Variants in DNAAF1 observed in about 807,000 individuals in gnomAD.
The protein encoded by DNAAF1 is dynein assembly factor 1, axonemal.
DNAAF1 carries 65 observed loss-of-function variants against 71.1 expected under a neutral mutation model. The ratio of observed to expected loss-of-function variants is 0.91; its 90% confidence interval spans 0.75 to 1.12. The LOEUF (loss-of-function observed/expected upper bound fraction) is 1.12. DNAAF1 is among the 50% of genes most tolerant of loss of function. The pLI is 0.00. For synonymous variants in DNAAF1, 414 were observed against 354.6 expected, an observed-to-expected ratio of 1.17 and a Z score of -1.88; for missense variants, 1,178 against 899.8, an observed-to-expected ratio of 1.31 and a Z score of -3.96.
At position 84,170,337 on chromosome 16, in the gene DNAAF1, C is replaced by G; in HGVS notation, c.1509C>G (p.Pro503=). ...CAGCTGAGGCCCCACCACCACCGCC[C>G]CTGGGAGCTGCCAGGGAAGGTAATG... ...TLPAEAPPPP[P]LGAAREEPTP... is the part of the protein sequence containing the mutation. Residue 503 remains proline (P), a synonymous_variant, in exon 8 of 12, where the codon CCC becomes CCG. Coordinates refer to ENST00000378553, the MANE Select transcript of DNAAF1 (RefSeq NM_178452.6). 1 of 1,613,886 alleles carries G rather than the reference C, an allele frequency of 6.2e-7. No individual in the cohort carries two copies. Among genetic ancestry groups the G allele is most frequent in the East Asian group, 2.2e-5 (1 of 44,870 alleles).
At chr16:84,168,202 G>T (rs984431965) in intron 7 of DNAAF1, among the ~76,000 whole-genome samples, 1 of 152,092 alleles carries the variant, frequency 6.6e-6, no homozygotes, top group Non-Finnish European at 1.5e-5. Context: ...TCCCTGGCTC[G>T]TGGCCCCTTC....
chr16:84,166,377 T>A (rs1008252869), intron 7 of DNAAF1, among the ~76,000 whole-genome samples: 1 of 117,920 alleles, frequency 8.5e-6, no homozygotes, highest in Admixed American at 8.0e-5. Flanking sequence ...TTTCTTTTTT[T>A]TTTTTTTTTT....
chr16:84,155,825 C>G, intron 5 of DNAAF1, 76 bp downstream of exon 5: 1 of 1,552,288 alleles, frequency 6.4e-7, no homozygotes, highest in Non-Finnish European at 8.8e-7. Flanking sequence ...ATATCAAGTC[C>G]TTTTGTCTTT....
intron 3 of DNAAF1, among the ~76,000 whole-genome samples, chr16:84,153,821 G>T (rs936724154): frequency 4.6e-5 from 7 of 152,120 alleles, no homozygotes; most frequent in Admixed American, 1.3e-4. Flanking sequence ...GGTCAGGCCT[G>T]GTGGGAACAT....
chr16:84,157,872 C>T (rs760246874), intron 5 of DNAAF1, among the ~76,000 whole-genome samples: 14 of 152,232 alleles, frequency 9.2e-5, no homozygotes, highest in Admixed American at 2.0e-4. Flanking sequence ...TTTGTTTTGG[C>T]TGGGGTTGCC....
At chr16:84,148,716 A>T (rs1296293130) in intron 1 of DNAAF1, among the ~76,000 whole-genome samples, 2 of 149,886 alleles carry the variant, frequency 1.3e-5, no homozygotes, top group South Asian at 4.2e-4. Context: ...AACCTGCCTC[A>T]GCCCCACAAG....
At chr16:84,167,515 A>G (rs1377487100) in intron 7 of DNAAF1, among the ~76,000 whole-genome samples, 2 of 152,106 alleles carry the variant, frequency 1.3e-5, no homozygotes, top group Non-Finnish European at 2.9e-5. Flanking sequence ...GAGCCGCCCC[A>G]TTCGAACAAA....
At chr16:84,166,439 C>G (rs1286132822) in intron 7 of DNAAF1, among the ~76,000 whole-genome samples, 2 of 145,532 alleles carry the variant, frequency 1.4e-5, no homozygotes, top group African/African-American at 5.2e-5. Flanking sequence ...TGCAGTGGCA[C>G]AATCTTGGCT....
Position 84,165,860 on chromosome 16 carries a change from G to C in DNAAF1, c.941G>C (p.Arg314Pro), listed in dbSNP as rs374704486. ...EERQQWESRE[R>P]KKITDSIEAL... ...AGACAGCAGTGGGAGAGCAGGGAGC[G>C]GAAGAAGATCACAGACAGCATTGAA... Residue 314 changes from arginine to proline, a missense_variant, in exon 7 of 12, where the codon CGG becomes CCG. Physicochemically the swap from Arg to Pro is moderately radical, Grantham distance 103. Transcript: ENST00000378553. The C allele has an allele frequency of 6.2e-7, 1 of 1,613,318 alleles. No individual in the cohort carries two copies. Among genetic ancestry groups the C allele is most frequent in the Non-Finnish European group, 8.5e-7 (1 of 1,179,876 alleles).
At chr16:84,150,882 G>T (rs1050049353) in intron 3 of DNAAF1, among the ~76,000 whole-genome samples, 16 of 151,978 alleles carry the variant, frequency 1.1e-4, no homozygotes, top group Non-Finnish European at 1.8e-4. Flanking sequence ...CCAAAGTACT[G>T]GGCTTACAAG....
chr16:84,162,916 C>G (rs1424377562), intron 6 of DNAAF1, among the ~76,000 whole-genome samples: 1 of 152,176 alleles, frequency 6.6e-6, no homozygotes, highest in Admixed American at 6.5e-5. Flanking sequence ...CTTTCCCTCT[C>G]TGTTGATTTG....
At chr16:84,177,100 A>C in intron 11 of DNAAF1, 1 of 177,024 alleles carries the variant, frequency 5.6e-6, no homozygotes, top group South Asian at 1.2e-4. Context: ...TCCTGAAGAC[A>C]GCTGCCTGGC....
chr16:84,159,704 T>C lies in DNAAF1; in HGVS notation c.771T>C (p.Val257=). The change falls in exon 6 of 12, where the codon GTT becomes GTC. Residue 257 remains valine (V), a synonymous_variant. Coordinates refer to ENST00000378553, the MANE Select transcript of DNAAF1 (RefSeq NM_178452.6). Reference sequence around the variant, plus strand: ...TACTGAATTTGATGGGAAACCCGGTTATCAGACAGATTCCTAATTACAGAA... The same window carrying C: ...TACTGAATTTGATGGGAAACCCGGTCATCAGACAGATTCCTAATTACAGAA... ...LRVLNLMGNP[V]IRQIPNYRRT... 2 of 1,613,980 alleles carry C rather than the reference T, an allele frequency of 1.2e-6. No homozygotes were observed. Among genetic ancestry groups the C allele is most frequent in the Non-Finnish European group, 1.7e-6 (2 of 1,179,886 alleles).
At chr16:84,166,370 C>CTT (rs535417461) in intron 7 of DNAAF1, among the ~76,000 whole-genome samples, 89 of 118,804 alleles carry the variant, frequency 7.5e-4, no homozygotes, top group African/African-American at 2.5e-3. Flanking sequence ...TTCTTTTTTT[C>CTT]TTTTTTTTTT....
chr16:84,168,137 C>A (rs889009498), intron 7 of DNAAF1, among the ~76,000 whole-genome samples: 6 of 152,192 alleles, frequency 3.9e-5, no homozygotes, highest in Non-Finnish European at 8.8e-5. Context: ...CTTCTGGGGG[C>A]CCCAGGGGAG....
chr16:84,162,407 C>CA (rs1025037117), intron 6 of DNAAF1, among the ~76,000 whole-genome samples: 4 of 148,658 alleles, frequency 2.7e-5, no homozygotes, highest in South Asian at 2.1e-4. Flanking sequence ...GACTCCCTCT[C>CA]AAAAAAAAAT....
intron 6 of DNAAF1, among the ~76,000 whole-genome samples, chr16:84,163,193 T>C (rs1395375180): frequency 1.3e-5 from 2 of 152,174 alleles, no homozygotes; most frequent in African/African-American, 2.4e-5. Context: ...CCTGGGTATG[T>C]ATCTAGGAGT....
chr16:84,146,829 T>A (rs1475107871), intron 1 of DNAAF1, among the ~76,000 whole-genome samples: 1 of 152,184 alleles, frequency 6.6e-6, no homozygotes, highest in Non-Finnish European at 1.5e-5. Context: ...TTTTAGTGAT[T>A]ACATTAAAAA....
At chr16:84,166,630 C>A (rs2088021639) in intron 7 of DNAAF1, among the ~76,000 whole-genome samples, 1 of 152,154 alleles carries the variant, frequency 6.6e-6, no homozygotes, top group African/African-American at 2.4e-5. Context: ...ACCTTGGCTT[C>A]CCAAAGTGCT....
Sources: gnomAD v4.1 joint callset for allele counts (sites outside exome capture counted in the v4.1 genomes callset) on GRCh38, gnomAD v4.1.1 for gene constraint, MANE v1.5 for transcripts, NCBI Gene and HGNC (gene_info 2026-07-23, HGNC 2026-07-21) for gene names.